The following LCLAT1 variants were observed in gnomAD, a reference collection of about 807,000 sequenced individuals.
The protein encoded by LCLAT1 is lysocardiolipin acyltransferase 1.
In LCLAT1, 11 loss-of-function variants were observed where a neutral mutation model predicts 30.7. The ratio of observed to expected loss-of-function variants is 0.36; its 90% CI spans 0.23 to 0.59. The LOEUF (loss-of-function observed/expected upper bound fraction) is 0.59, where lower values mean the gene tolerates loss of function less well. LCLAT1 is among the 20% of genes least tolerant of loss of function. The pLI, the probability that LCLAT1 is intolerant of heterozygous loss-of-function variation, is 0.77. For synonymous variants in LCLAT1, 155 were observed against 151.3 expected (o/e 1.02, Z -0.18); for missense variants, 402 against 458.6 (o/e 0.88, Z 1.13).
intron 1 of LCLAT1, among the ~76,000 whole-genome samples, chr2:30,498,183 A>C (rs766317208): frequency 4.6e-5 from 7 of 152,208 alleles, no homozygotes; most frequent in Non-Finnish European, 7.3e-5. Flanking sequence ...GTTGCCAGCT[A>C]TGAGGCTGAG....
chr2:30,625,754 C>T (rs1668478560), intron 5 of LCLAT1, among the ~76,000 whole-genome samples: 1 of 152,188 alleles, frequency 6.6e-6, no homozygotes, highest in South Asian at 2.1e-4. Flanking sequence ...CCAGGTCAGT[C>T]TGACTCTGTA....
chr2:30,488,327 C>T (rs1436948255), intron 1 of LCLAT1, among the ~76,000 whole-genome samples: 1 of 152,214 alleles, frequency 6.6e-6, no homozygotes, highest in Non-Finnish European at 1.5e-5. Flanking sequence ...GTGCAATCTT[C>T]ATAGCTTGCT....
Position 30,640,245 on chromosome 2 carries a change from G to GACAC in LCLAT1, c.758_761dup (p.Leu255HisfsTer48). ...CTTTCACGTCCACCGGTATCCAATA[G>GACAC]ACACCCTCCCCACATCCAAGGAGGA... On this transcript the variant is annotated frameshift_variant, in exon 6 of 6. Transcript: ENST00000379509. LOFTEE classifies it high-confidence loss of function. 1 of 1,614,108 alleles carries GACAC rather than the reference G, an allele frequency of 6.2e-7. No individual in the cohort carries two copies. Among genetic ancestry groups the GACAC allele is most frequent in the South Asian group, 1.1e-5 (1 of 91,082 alleles).
Position 30,540,748 on chromosome 2 carries a change from T to C in LCLAT1, c.364+7434T>C, listed in dbSNP as rs138208663. Among the ~76,000 whole-genome samples, 1,048 of 152,072 alleles carry C rather than the reference T, an allele frequency of 6.9e-3. 11 individuals carry two copies. Among genetic ancestry groups the C allele is most frequent in the African/African-American group, 0.024 (994 of 41,490 alleles). Reference sequence around the variant, plus strand: ...GGCACAATCTTGGCTCACTGCAATGTCCGCCTCCCGGGTTCAAGCGATTCT... The same window carrying C: ...GGCACAATCTTGGCTCACTGCAATGCCCGCCTCCCGGGTTCAAGCGATTCT... On this transcript the variant is annotated intron_variant, in intron 3 of 5. Transcript: ENST00000379509.
intron 5 of LCLAT1, among the ~76,000 whole-genome samples, chr2:30,635,302 A>G (rs1668971443): frequency 6.6e-6 from 1 of 151,546 alleles, no homozygotes; most frequent in South Asian, 2.1e-4. Context: ...TCCTTGTATA[A>G]AAGCCATTCT....
intron 3 of LCLAT1, among the ~76,000 whole-genome samples, chr2:30,554,780 C>A (rs1664838834): frequency 6.6e-6 from 1 of 152,164 alleles, no homozygotes; most frequent in South Asian, 2.1e-4. Flanking sequence ...ATTAGTAGAA[C>A]AGGTGTAGCT....
intron 2 of LCLAT1, 85 bp downstream of exon 2, chr2:30,525,840 G>T: frequency 8.6e-7 from 1 of 1,158,904 alleles, no homozygotes; most frequent in Non-Finnish European, 1.3e-6. Context: ...GGATGTTCAA[G>T]TCCCTACAGT....
chr2:30,627,334 C>T (rs1327680029), intron 5 of LCLAT1, among the ~76,000 whole-genome samples: 1 of 152,054 alleles, frequency 6.6e-6, no homozygotes, highest in African/African-American at 2.4e-5. Flanking sequence ...AGGTTATACC[C>T]TGGTCCCCTT....
intron 5 of LCLAT1, among the ~76,000 whole-genome samples, chr2:30,585,171 A>G (rs868011111): frequency 6.6e-6 from 1 of 151,984 alleles, no homozygotes; most frequent in Non-Finnish European, 1.5e-5. Context: ...TCCTGACTCC[A>G]TGCCTCTTCC....
At chr2:30,533,704 T>G (rs1686092522) in intron 3 of LCLAT1, among the ~76,000 whole-genome samples, 1 of 152,232 alleles carries the variant, frequency 6.6e-6, no homozygotes, top group South Asian at 2.1e-4. Flanking sequence ...AAGTATTAAT[T>G]GAATATGTAG....
At chr2:30,600,361 C>T (rs561796750) in intron 5 of LCLAT1, among the ~76,000 whole-genome samples, 124 of 152,148 alleles carry the variant, frequency 8.1e-4, no homozygotes, top group African/African-American at 3.0e-3. Context: ...TTGAACACAG[C>T]TAAAGCAGTG....
chr2:30,566,757 A>G lies in LCLAT1; in HGVS notation c.512-1303A>G, dbSNP rs1245726772. Among the ~76,000 whole-genome samples, 3 of 152,316 alleles carry G rather than the reference A, an allele frequency of 2.0e-5. No individual in the cohort carries two copies. In the East Asian group the frequency reaches 5.8e-4, roughly 29 times the overall value. On this transcript the variant is annotated intron_variant, in intron 4 of 5. Transcript: ENST00000379509. ...CCAGCAGTTGAGGCCAAATTTCTGAACACTTTACTTTTTCCAAATGTATTT... is the reference window on the plus strand; with the variant it reads ...CCAGCAGTTGAGGCCAAATTTCTGAGCACTTTACTTTTTCCAAATGTATTT...
At chr2:30,587,373 G>A (rs954400689) in intron 5 of LCLAT1, among the ~76,000 whole-genome samples, 2 of 152,018 alleles carry the variant, frequency 1.3e-5, no homozygotes, top group African/African-American at 4.8e-5. Context: ...TTCTCATGCG[G>A]TTACTGTAAT....
intron 5 of LCLAT1, among the ~76,000 whole-genome samples, chr2:30,626,163 G>A (rs768660401): frequency 6.6e-6 from 1 of 152,166 alleles, no homozygotes; most frequent in African/African-American, 2.4e-5. Flanking sequence ...ATAATATGCT[G>A]TCTCTGGTCT....
In LCLAT1 at chr2:30,641,590, G is replaced by A. The variant is rs1669308021; in HGVS notation, c.*971G>A. On this transcript the variant is annotated 3_prime_UTR_variant, in exon 6 of 6. Transcript: ENST00000379509. ...CTACCATTAAAACAACAAATGGCTT[G>A]CAGACAGGGCAGTAATGGTTTATCC... is the stretch of plus-strand genomic sequence containing the variant. 1 of 152,174 alleles carries A rather than the reference G, an allele frequency of 6.6e-6. No homozygotes were observed. The highest frequency in any genetic ancestry group is 2.4e-5 in the African/African-American group (1 of 41,438). The allele number at this position is 152,174 out of a possible 1,614,324, so 9.4% of individuals were successfully genotyped here.
chr2:30,468,070 T>C (rs1271268799), intron 1 of LCLAT1, among the ~76,000 whole-genome samples: 1 of 152,226 alleles, frequency 6.6e-6, no homozygotes, highest in African/African-American at 2.4e-5. Context: ...TTTATGGTTT[T>C]AGGTCTAACA....
At chr2:30,632,059 C>T (rs1159819704) in intron 5 of LCLAT1, among the ~76,000 whole-genome samples, 1 of 152,116 alleles carries the variant, frequency 6.6e-6, no homozygotes, top group Non-Finnish European at 1.5e-5. Context: ...AAAGATTCAC[C>T]ATTTATACAA....
chr2:30,467,005 A>G (rs149093193), intron 1 of LCLAT1, among the ~76,000 whole-genome samples: 2,088 of 152,242 alleles, frequency 0.014, 36 homozygotes, highest in African/African-American at 0.047. Flanking sequence ...TTTGTTACAT[A>G]TGTATACATG....
chr2:30,452,701 T>G (rs1023953304), intron 1 of LCLAT1, among the ~76,000 whole-genome samples: 1 of 152,200 alleles, frequency 6.6e-6, no homozygotes, highest in Admixed American at 6.5e-5. Flanking sequence ...TGTGTGGTCT[T>G]CTCCCTGTGA....
Sources: allele counts gnomAD v4.1 joint callset (sites outside exome capture counted in the v4.1 genomes callset), GRCh38; gene constraint gnomAD v4.1.1; transcripts MANE v1.5; gene names NCBI Gene and HGNC (gene_info 2026-07-23, HGNC 2026-07-21).